NDST3: variants seen among roughly 807,000 people sequenced by gnomAD.
NDST3 encodes the protein N-deacetylase and N-sulfotransferase 3.
A neutral mutation model predicts 96.1 loss-of-function variants in NDST3; 58 were observed. The ratio of observed to expected loss-of-function variants is 0.60; its 90% CI spans 0.49 to 0.75. The LOEUF (loss-of-function observed/expected upper bound fraction) is 0.75, where lower values mean the gene tolerates loss of function less well. Ranked by LOEUF, NDST3 falls within the 30% of genes least tolerant of loss-of-function variation. The pLI is 0.00. For synonymous variants in NDST3, 333 were observed against 359.7 expected (o/e 0.93, Z 0.84); for missense variants, 788 against 1,034.2 (o/e 0.76, Z 3.27).
chr4:118,083,041 A>C (rs1340274729), intron 2 of NDST3, among the ~76,000 whole-genome samples: 1 of 152,148 alleles, frequency 6.6e-6, no homozygotes, highest in East Asian at 1.9e-4. Flanking sequence ...GTCACCTCCC[A>C]CCAGGACCTT....
intron 6 of NDST3, among the ~76,000 whole-genome samples, chr4:118,163,265 G>C (rs1266355760): frequency 6.6e-6 from 1 of 152,142 alleles, no homozygotes; most frequent in Admixed American, 6.5e-5. Flanking sequence ...ATACCCAAAG[G>C]ACTATAAATC....
chr4:118,103,729 G>A (rs975608562), intron 2 of NDST3, among the ~76,000 whole-genome samples: 1 of 152,048 alleles, frequency 6.6e-6, no homozygotes, highest in Admixed American at 6.6e-5. Context: ...CCATAGTTAG[G>A]TGTAGAGATC....
At chr4:118,105,623 A>G (rs180959048) in intron 3 of NDST3, among the ~76,000 whole-genome samples, 1 of 152,300 alleles carries the variant, frequency 6.6e-6, no homozygotes, top group Non-Finnish European at 1.5e-5. Flanking sequence ...ATTACTGTCT[A>G]TAGGTTATAA....
intron 6 of NDST3, among the ~76,000 whole-genome samples, chr4:118,153,207 A>C (rs149601998): frequency 2.6e-5 from 4 of 152,314 alleles, no homozygotes; most frequent in Non-Finnish European, 5.9e-5. Flanking sequence ...GTCTAAGTAG[A>C]ATAAGTAGCT....
At chr4:118,241,027 G>A (rs1457741056) in intron 11 of NDST3, among the ~76,000 whole-genome samples, 1 of 152,116 alleles carries the variant, frequency 6.6e-6, no homozygotes, top group Non-Finnish European at 1.5e-5. Context: ...GCTTAATTAA[G>A]TGCCATTATT....
At chr4:118,159,699 T>G (rs1734959231) in intron 6 of NDST3, among the ~76,000 whole-genome samples, 2 of 152,048 alleles carry the variant, frequency 1.3e-5, no homozygotes. Flanking sequence ...AGTGAGAATT[T>G]CAACAAAGAA....
intron 6 of NDST3, among the ~76,000 whole-genome samples, chr4:118,149,687 C>T (rs2125914005): frequency 6.6e-6 from 1 of 150,464 alleles, no homozygotes; most frequent in Non-Finnish European, 1.5e-5. Flanking sequence ...GATATACAAT[C>T]ATGTCGTCTG....
At chr4:118,203,172 C>T (rs909150944) in intron 6 of NDST3, among the ~76,000 whole-genome samples, 1 of 152,112 alleles carries the variant, frequency 6.6e-6, no homozygotes, top group African/African-American at 2.4e-5. Context: ...CTTACTTGAT[C>T]ATGTTTTACT....
intron 3 of NDST3, 139 bp downstream of exon 3, chr4:118,105,244 C>A: frequency 1.7e-6 from 1 of 574,066 alleles, no homozygotes; most frequent in Non-Finnish European, 3.0e-6. Context: ...ATTTAACATG[C>A]TATTTTTTAA....
chr4:118,119,620 T>C lies in NDST3; in HGVS notation c.1224+4660T>C, dbSNP rs533055699. Among the ~76,000 whole-genome samples, 8 of 152,228 alleles carry C rather than the reference T, an allele frequency of 5.3e-5. No homozygotes were observed. The East Asian group carries it at 9.7e-4, about 18-fold the overall frequency. Reference sequence around the variant, plus strand: ...ATGATGAAGTCTATAATTTACTTCATAAAATGAATAGCTGAAGGAAATTCA... The same window carrying C: ...ATGATGAAGTCTATAATTTACTTCACAAAATGAATAGCTGAAGGAAATTCA... On this transcript the variant is annotated intron_variant, in intron 4 of 13. Coordinates refer to ENST00000296499, the MANE Select transcript of NDST3 (RefSeq NM_004784.3).
intron 6 of NDST3, among the ~76,000 whole-genome samples, chr4:118,146,218 T>C (rs1733932767): frequency 6.6e-6 from 1 of 152,188 alleles, no homozygotes; most frequent in African/African-American, 2.4e-5. Flanking sequence ...AGGAAAGTCA[T>C]GAATTTTAAT....
chr4:118,058,430 C>CAAAAAAA (rs35067389), intron 2 of NDST3, among the ~76,000 whole-genome samples: 8 of 118,186 alleles, frequency 6.8e-5, no homozygotes, highest in Non-Finnish European at 8.4e-5. Context: ...CACAAAAAGA[C>CAAAAAAA]AAAAAAAAAA....
intron 6 of NDST3, among the ~76,000 whole-genome samples, chr4:118,180,988 C>A (rs1428035530): frequency 6.6e-6 from 1 of 152,190 alleles, no homozygotes; most frequent in East Asian, 1.9e-4. Context: ...AGGCAAAGTG[C>A]CACCTCATAG....
chr4:118,079,115 G>A (rs1191024407), intron 2 of NDST3, among the ~76,000 whole-genome samples: 1 of 152,170 alleles, frequency 6.6e-6, no homozygotes. Flanking sequence ...ATTAATTGGT[G>A]TCTACTATGT....
intron 2 of NDST3, 38 bp downstream of exon 2, chr4:118,054,929 A>G (rs1379517515): frequency 6.3e-7 from 1 of 1,599,876 alleles, no homozygotes; most frequent in South Asian, 1.1e-5. Context: ...AGTTCAGTTC[A>G]TCTTCCAGCA....
intron 6 of NDST3, among the ~76,000 whole-genome samples, chr4:118,202,195 T>C (rs1033861991): frequency 7.2e-5 from 11 of 152,154 alleles, no homozygotes; most frequent in African/African-American, 2.7e-4. Flanking sequence ...AGCCTTATAG[T>C]AGTAGTGTAG....
At chr4:118,156,319 T>A (rs1047461600) in intron 6 of NDST3, among the ~76,000 whole-genome samples, 3 of 152,180 alleles carry the variant, frequency 2.0e-5, no homozygotes, top group Admixed American at 1.3e-4. Flanking sequence ...TCCAGCTTGA[T>A]TTCTAAGGTT....
intron 2 of NDST3, among the ~76,000 whole-genome samples, chr4:118,077,425 A>C (rs1204682363): frequency 6.6e-6 from 1 of 152,230 alleles, no homozygotes; most frequent in Non-Finnish European, 1.5e-5. Context: ...TAAGAGTGTT[A>C]GCAGATAGAC....
At chr4:118,227,012 G>C (rs1324795772) in intron 8 of NDST3, 30 bp downstream of exon 8, 4 of 1,477,236 alleles carry the variant, frequency 2.7e-6, no homozygotes, top group Non-Finnish European at 2.8e-6. Flanking sequence ...TGATTAACGA[G>C]TGTAAATTTT....
Sources: allele counts gnomAD v4.1 joint callset (sites outside exome capture counted in the v4.1 genomes callset), GRCh38; gene constraint gnomAD v4.1.1; transcripts MANE v1.5; gene names NCBI Gene and HGNC (gene_info 2026-07-23, HGNC 2026-07-21).